RBM24: variants seen among roughly 807,000 people sequenced by gnomAD.
RBM24 encodes the protein RNA binding motif protein 24, also known as RNA-binding protein 24.
Under a neutral mutation model 23.6 loss-of-function variants are expected in RBM24, and 5 were observed. The observed-to-expected ratio is 0.21, with a 90% confidence interval of 0.11 to 0.45. The LOEUF (loss-of-function observed/expected upper bound fraction) is 0.45, where lower values mean the gene tolerates loss of function less well. Ranked by LOEUF, RBM24 falls within the 20% of genes least tolerant of loss-of-function variation. The pLI is 0.99. For synonymous variants in RBM24, 151 were observed against 129.5 expected (o/e 1.17, Z -1.13); for missense variants, 252 against 314.6 (o/e 0.80, Z 1.51).
At position 17,291,990 on chromosome 6, in the gene RBM24, C is replaced by A; in HGVS notation, c.582C>A (p.Gly194=). The change falls in exon 4 of 4, where the codon GGC becomes GGA. Residue 194 remains glycine (G), a synonymous_variant. Transcript: ENST00000379052. Reference sequence around the variant, plus strand: ...GATATGTTACTGCTGGGGGCTATGGCTACGCAGTCCAGCAGCCAATCACCG... The same window carrying A: ...GATATGTTACTGCTGGGGGCTATGGATACGCAGTCCAGCAGCCAATCACCG... ...AAGYVTAGGY[G]YAVQQPITAA... is the part of the protein sequence containing the mutation. 6.2e-7 allele frequency: 1 copy of A among 1,608,672 alleles called. No individual in the cohort carries two copies. Among genetic ancestry groups the A allele is most frequent in the Non-Finnish European group, 8.5e-7 (1 of 1,179,184 alleles).
chr6:17,291,421 A>AT (rs1760353011), intron 3 of RBM24, among the ~76,000 whole-genome samples: 1 of 152,208 alleles, frequency 6.6e-6, no homozygotes, highest in Non-Finnish European at 1.5e-5. Flanking sequence ...GTCTTCATCA[A>AT]TTGAGCACTT....
At chr6:17,290,611 A>G (rs1268823112) in intron 3 of RBM24, among the ~76,000 whole-genome samples, 3 of 152,244 alleles carry the variant, frequency 2.0e-5, no homozygotes, top group Admixed American at 2.0e-4. Flanking sequence ...TGATTATACA[A>G]TTGATATGAT....
intron 2 of RBM24, among the ~76,000 whole-genome samples, chr6:17,283,458 C>T (rs1428326635): frequency 6.6e-6 from 1 of 152,040 alleles, no homozygotes; most frequent in Non-Finnish European, 1.5e-5. Flanking sequence ...GTTCTTGTTG[C>T]CCAGGCTGGA....
chr6:17,284,973 T>A (rs145139326), intron 3 of RBM24: 8 of 332,476 alleles, frequency 2.4e-5, no homozygotes, highest in Non-Finnish European at 3.8e-5. Context: ...GTATGACTTG[T>A]GTACAAGACG....
intron 3 of RBM24, chr6:17,291,040 AGAGT>A (rs1196669843): frequency 9.1e-5 from 43 of 473,688 alleles, no homozygotes; most frequent in Non-Finnish European, 1.7e-4. Flanking sequence ...CTCTTGTGAC[AGAGT>A]GAGCTGCACT....
intron 2 of RBM24, among the ~76,000 whole-genome samples, chr6:17,283,715 C>T (rs1760107723): frequency 6.6e-6 from 1 of 152,154 alleles, no homozygotes; most frequent in Non-Finnish European, 1.5e-5. Flanking sequence ...CCGCGCCTGG[C>T]CCAAAATGGT....
At chr6:17,283,934 T>C (rs1760114940) in intron 2 of RBM24, among the ~76,000 whole-genome samples, 3 of 152,334 alleles carry the variant, frequency 2.0e-5, no homozygotes, top group Admixed American at 2.0e-4. Flanking sequence ...CACTGCCCTT[T>C]GCATTAGCAC....
intron 3 of RBM24, among the ~76,000 whole-genome samples, chr6:17,286,187 A>T (rs1029859568): frequency 2.1e-4 from 28 of 132,688 alleles, no homozygotes; most frequent in African/African-American, 2.8e-4. Flanking sequence ...AACTACTACT[A>T]TTTTTTTTTT....
chr6:17,287,424 A>G (rs954005429), intron 3 of RBM24, among the ~76,000 whole-genome samples: 1 of 152,210 alleles, frequency 6.6e-6, no homozygotes, highest in Non-Finnish European at 1.5e-5. Context: ...AACTTGCTAA[A>G]CAATATTTTA....
chr6:17,283,360 G>C (rs189000198), intron 2 of RBM24, among the ~76,000 whole-genome samples: 1 of 152,138 alleles, frequency 6.6e-6, no homozygotes, highest in Non-Finnish European at 1.5e-5. Flanking sequence ...CAGGCAGTCT[G>C]ACTTGAACAC....
Position 17,292,234 on chromosome 6 carries a change from A to G in RBM24, c.*115A>G, listed in dbSNP as rs1760392592. On this transcript the variant is annotated 3_prime_UTR_variant, in exon 4 of 4. Coordinates refer to ENST00000379052, the MANE Select transcript of RBM24 (RefSeq NM_001143942.2). The stretch of plus-strand genomic sequence containing the variant: ...AACAGCTTTAAAAAAAAAAACAGCC[A>G]TGCTATTGTGAAGCAGAGTTATTAT... 1 of 978,372 alleles carries G rather than the reference A, an allele frequency of 1.0e-6. No individual in the cohort carries two copies. Among genetic ancestry groups the G allele is most frequent in the Middle Eastern group, 2.3e-4 (1 of 4,416 alleles). The allele number at this position is 978,372 out of a possible 1,614,324, so 60.6% of individuals were successfully genotyped here. A position where few individuals can be genotyped will look rare whatever the true frequency, so the allele number is the denominator to read the frequency against.
At chr6:17,286,077 A>T (rs946084715) in intron 3 of RBM24, among the ~76,000 whole-genome samples, 2 of 152,208 alleles carry the variant, frequency 1.3e-5, no homozygotes, top group Non-Finnish European at 2.9e-5. Flanking sequence ...AATAGATTTT[A>T]AAAAGAAATT....
intron 3 of RBM24, chr6:17,290,080 T>C (rs984705133): frequency 7.8e-7 from 1 of 1,289,338 alleles, no homozygotes; most frequent in Non-Finnish European, 1.0e-6. Context: ...TAAAATTGAG[T>C]GTATTTTTAT....
Position 17,281,697 on chromosome 6 carries a change from A to C in RBM24, c.116A>C (p.Glu39Ala). ...TTCGAGGTCTTCGGCGAGATCGAGG[A>C]GGCGGTGGTCATCACCGACCGGCAG... The part of the protein sequence containing the change: ...KYFEVFGEIE[E>A]AVVITDRQTG... The change falls in exon 1 of 4, where the codon GAG (glutamate) becomes GCG (alanine). Residue 39 changes from glutamate to alanine, a missense_variant. By Grantham distance (107) the Glu-to-Ala change is moderately radical. Coordinates refer to ENST00000379052, the MANE Select transcript of RBM24 (RefSeq NM_001143942.2). This position sits in a 1 kb window ranked among gnomAD's most constrained non-coding sequence, Gnocchi z 7.1. The C allele has an allele frequency of 6.4e-7, 1 of 1,552,030 alleles. No homozygotes were observed. The highest frequency in any genetic ancestry group is 8.7e-7 in the Non-Finnish European group (1 of 1,147,412).
At chr6:17,291,100 T>G (rs1760343812) in intron 3 of RBM24, among the ~76,000 whole-genome samples, 1 of 152,224 alleles carries the variant, frequency 6.6e-6, no homozygotes, top group African/African-American at 2.4e-5. Context: ...ACCACACTTG[T>G]GAACTTTTAA....
chr6:17,281,524 C>T lies in RBM24; in HGVS notation c.-58C>T. Reference sequence around the variant, plus strand: ...AGACGCGGAGCCGGAGGAGGAGGCGCAGCCGCTGCCCGAGCCGCAGCCGCA... The same window carrying T: ...AGACGCGGAGCCGGAGGAGGAGGCGTAGCCGCTGCCCGAGCCGCAGCCGCA... On this transcript the variant is annotated 5_prime_UTR_variant, in exon 1 of 4. Coordinates refer to ENST00000379052, the MANE Select transcript of RBM24 (RefSeq NM_001143942.2). The surrounding 1 kb of genome is among the most constrained non-coding windows in gnomAD (Gnocchi z 7.1). 7.0e-7 allele frequency: 1 copy of T among 1,427,154 alleles called. No individual in the cohort carries two copies. Among genetic ancestry groups the T allele is most frequent in the Admixed American group, 3.1e-5 (1 of 32,504 alleles). The allele number at this position is 1,427,154 out of a possible 1,614,324, so 88.4% of individuals were successfully genotyped here.
Position 17,281,812 on chromosome 6 carries a change from G to A in RBM24, c.168+63G>A. The A allele has an allele frequency of 6.5e-7, 1 of 1,532,998 alleles. No homozygotes were observed. The highest frequency in any genetic ancestry group is 8.8e-7 in the Non-Finnish European group (1 of 1,134,858). The allele number at this position is 1,532,998 out of a possible 1,614,324, so 95.0% of individuals were successfully genotyped here. A position where few individuals can be genotyped will look rare whatever the true frequency, so the allele number is the denominator to read the frequency against. On this transcript the variant is annotated intron_variant, in intron 1 of 3. Transcript: ENST00000379052. The surrounding 1 kb of genome is among the most constrained non-coding windows in gnomAD (Gnocchi z 7.1). ...AGTGGCGGCTGACCCCGGGGATCGG[G>A]AGCTTGGAGTGAGGGGCTCGGCGTG...
At chr6:17,282,411 T>C in intron 1 of RBM24, 1 of 559,502 alleles carries the variant, frequency 1.8e-6, no homozygotes. Context: ...AAGGCTGGAC[T>C]TTCTTTAAAG....
At chr6:17,289,570 A>G (rs1001277758) in intron 3 of RBM24, 3 of 985,296 alleles carry the variant, frequency 3.0e-6, no homozygotes, top group Middle Eastern at 5.2e-4. Flanking sequence ...TCCTTTTTGT[A>G]GGATAAACAT....
Sources: gnomAD v4.1 joint callset for allele counts (sites outside exome capture counted in the v4.1 genomes callset) on GRCh38, gnomAD v4.1.1 for gene constraint, Gnocchi (gnomAD v3.1) non-coding constraint, MANE v1.5 for transcripts, NCBI Gene and HGNC (gene_info 2026-07-23, HGNC 2026-07-21) for gene names.